PBX1: variants seen among roughly 807,000 people sequenced by gnomAD.
The protein encoded by PBX1 is pre-B-cell leukemia transcription factor 1.
PBX1 carries 6 observed loss-of-function variants against 53.4 expected under a neutral mutation model. The ratio of observed to expected loss-of-function variants is 0.11; its 90% CI spans 0.06 to 0.22. The LOEUF is 0.22. PBX1 is among the 10% of genes least tolerant of loss of function. The probability of loss-of-function intolerance (pLI) is 1.00; values close to 1 mark genes in which losing one functional copy is unlikely to be tolerated. For synonymous variants in PBX1, 204 were observed against 212.3 expected, an observed-to-expected ratio of 0.96 and a Z score of 0.34; for missense variants, 251 against 551.4, an observed-to-expected ratio of 0.46 and a Z score of 5.46.
intron 2 of PBX1, among the ~76,000 whole-genome samples, chr1:164,576,454 C>T (rs543111063): frequency 6.6e-6 from 1 of 152,312 alleles, no homozygotes; most frequent in South Asian, 2.1e-4. Flanking sequence ...TGCACCGGCT[C>T]CCTCTCCCGT....
chr1:164,795,960 T>C (rs181041298), intron 3 of PBX1, among the ~76,000 whole-genome samples: 1 of 152,236 alleles, frequency 6.6e-6, no homozygotes, highest in Admixed American at 6.5e-5. Context: ...AACAAAAAAC[T>C]ACCTGAATCA....
chr1:164,762,055 G>A (rs1056899473), intron 2 of PBX1, among the ~76,000 whole-genome samples: 2 of 152,068 alleles, frequency 1.3e-5, no homozygotes, highest in African/African-American at 4.8e-5. Flanking sequence ...TGTTCCTCAC[G>A]TACTGTTGGA....
chr1:164,759,059 G>A (rs1388841934), intron 2 of PBX1, among the ~76,000 whole-genome samples: 1 of 152,170 alleles, frequency 6.6e-6, no homozygotes, highest in African/African-American at 2.4e-5. Context: ...ATACTCTCTT[G>A]ATCCCACTTC....
intron 2 of PBX1, among the ~76,000 whole-genome samples, chr1:164,713,587 A>T (rs1663921429): frequency 6.6e-6 from 1 of 151,982 alleles, no homozygotes; most frequent in Admixed American, 6.5e-5. Flanking sequence ...CTTTCTGTAC[A>T]GCTGCCTGAT....
chr1:164,690,651 T>G (rs1309797234), intron 2 of PBX1, among the ~76,000 whole-genome samples: 1 of 152,120 alleles, frequency 6.6e-6, no homozygotes, highest in Non-Finnish European at 1.5e-5. Context: ...AAAATCTTTT[T>G]TCTGTTGTTG....
chr1:164,838,322 G>T (rs1013100171), intron 8 of PBX1, among the ~76,000 whole-genome samples: 1 of 152,184 alleles, frequency 6.6e-6, no homozygotes, highest in Non-Finnish European at 1.5e-5. Flanking sequence ...GCCGCCCATG[G>T]TCAAGCCTCA....
intron 2 of PBX1, among the ~76,000 whole-genome samples, chr1:164,645,915 A>G (rs1267016625): frequency 1.3e-5 from 2 of 152,138 alleles, no homozygotes; most frequent in Non-Finnish European, 2.9e-5. Context: ...CTGCATTGAG[A>G]AGTGGAAGAC....
intron 2 of PBX1, among the ~76,000 whole-genome samples, chr1:164,622,224 C>T (rs1008709471): frequency 2.6e-5 from 4 of 152,160 alleles, no homozygotes; most frequent in African/African-American, 9.7e-5. Flanking sequence ...GGTTGCCAGG[C>T]CTCTGTTCCC....
intron 2 of PBX1, among the ~76,000 whole-genome samples, chr1:164,656,807 A>G (rs533512538): frequency 6.6e-6 from 1 of 152,242 alleles, no homozygotes; most frequent in East Asian, 1.9e-4. Flanking sequence ...AGGTATTCTT[A>G]TGTTATATAA....
chr1:164,731,359 G>C (rs1244321040), intron 2 of PBX1, among the ~76,000 whole-genome samples: 4 of 149,846 alleles, frequency 2.7e-5, no homozygotes, highest in African/African-American at 9.8e-5. Flanking sequence ...ATTTCAGCCT[G>C]TCACTTGATG....
intron 6 of PBX1, chr1:164,814,246 T>C (rs1366445263): frequency 6.6e-6 from 1 of 152,258 alleles, no homozygotes; most frequent in African/African-American, 2.4e-5. Context: ...TATTATGTTA[T>C]GTACTTGCTC....
chr1:164,745,327 T>A (rs577865046), intron 2 of PBX1, among the ~76,000 whole-genome samples: 1 of 152,326 alleles, frequency 6.6e-6, no homozygotes, highest in Admixed American at 6.5e-5. Context: ...AAGTCCTTTG[T>A]AAAGGATGGA....
rs1571523277 is a variant in PBX1, at chr1:164,847,717, A to G, written c.*1041A>G. 1 of 1,055,898 alleles carries G rather than the reference A, an allele frequency of 9.5e-7. No individual in the cohort carries two copies. The highest frequency in any genetic ancestry group is 1.1e-6 in the Non-Finnish European group (1 of 873,336). 65.4% of individuals were successfully genotyped at this position (1,055,898 alleles called of 1,614,324 possible). On this transcript the variant is annotated 3_prime_UTR_variant, in exon 9 of 9. Coordinates refer to ENST00000420696, the MANE Select transcript of PBX1 (RefSeq NM_002585.4). Reference sequence around the variant, plus strand: ...TACCTACATTAATAACTGTAGCACTATGCCTTTTGAGCCCGAGAGAGGGAA... The same window carrying G: ...TACCTACATTAATAACTGTAGCACTGTGCCTTTTGAGCCCGAGAGAGGGAA...
At chr1:164,871,236 GCA>G (rs1381320052) in intron 2 of PBX1, among the ~76,000 whole-genome samples, 1 of 152,220 alleles carries the variant, frequency 6.6e-6, no homozygotes, top group African/African-American at 2.4e-5. Context: ...ATGAGATCAT[GCA>G]CAGTGTGTGC....
chr1:164,571,873 G>GTATAGATA (rs1653885536), intron 2 of PBX1, among the ~76,000 whole-genome samples: 1 of 29,898 alleles, frequency 3.3e-5, no homozygotes, highest in Non-Finnish European at 6.0e-5. Context: ...TCTGTACATT[G>GTATAGATA]TATATATATA....
chr1:164,572,634 T>G (rs1039145067), intron 2 of PBX1, among the ~76,000 whole-genome samples: 2 of 152,198 alleles, frequency 1.3e-5, no homozygotes, highest in Non-Finnish European at 2.9e-5. Context: ...TCCTAGCTTG[T>G]GTTAACATTA....
At chr1:164,744,700 G>C (rs1293400656) in intron 2 of PBX1, among the ~76,000 whole-genome samples, 1 of 152,162 alleles carries the variant, frequency 6.6e-6, no homozygotes, top group Non-Finnish European at 1.5e-5. Context: ...AGGGACATAA[G>C]GGTCAATTCA....
chr1:164,769,989 A>G (rs1168810941), intron 2 of PBX1: 1 of 152,208 alleles, frequency 6.6e-6, no homozygotes, highest in African/African-American at 2.4e-5. Flanking sequence ...GAGCATGGAC[A>G]TTGAAGAACT....
At chr1:164,639,386 C>T (rs1285782508) in intron 2 of PBX1, among the ~76,000 whole-genome samples, 1 of 152,136 alleles carries the variant, frequency 6.6e-6, no homozygotes, top group African/African-American at 2.4e-5. Context: ...GATCTCTCTC[C>T]TTTTGATGCT....
Sources: gnomAD v4.1 joint callset for allele counts (sites outside exome capture counted in the v4.1 genomes callset) on GRCh38, gnomAD v4.1.1 for gene constraint, MANE v1.5 for transcripts, NCBI Gene and HGNC (gene_info 2026-07-23, HGNC 2026-07-21) for gene names.